Variants in LRRC23 observed in about 807,000 individuals in gnomAD.
LRRC23 encodes leucine rich repeat containing 23.
In LRRC23, 28 loss-of-function variants were observed where a neutral mutation model predicts 37.7. That is an observed-to-expected ratio of 0.74 (90% CI 0.55 to 1.02). LRRC23 has a LOEUF of 1.02. LRRC23 is among the 50% of genes least tolerant of loss of function. The pLI is 0.00. For missense variants in LRRC23, 377 were observed against 413.2 expected (o/e 0.91, Z 0.76); for synonymous variants, 161 against 165.4 (o/e 0.97, Z 0.20).
In LRRC23 at chr12:6,905,647, A is replaced by G. The variant is rs370302364; in HGVS notation, c.14A>G (p.Asp5Gly). 37 of 1,613,830 alleles carry G rather than the reference A, an allele frequency of 2.3e-5. No individual in the cohort carries two copies. The highest frequency in any genetic ancestry group is 3.0e-5 in the Non-Finnish European group (35 of 1,179,946). ...GAGGGAAGAAAGATGTCAGATGAAG[A>G]TGATCTAGAAGACTCTGAGCCAGAC... MSDE[D>G]DLEDSEPDQD... is the part of the protein sequence containing the mutation. Residue 5 changes from aspartate to glycine, a missense_variant, in exon 2 of 8, where the codon GAT (aspartate) becomes GGT (glycine). Asp to Gly is a moderately conservative substitution (Grantham distance 94, BLOSUM62 -1). Around this residue, in one of 3 missense-constraint regions of LRRC23, gnomAD observed 106 missense variants for 105.9 expected, o/e 1.00. Transcript: ENST00000443597.
chr12:6,914,187 G>C lies in LRRC23; in HGVS notation c.*321G>C. 1.1e-6 allele frequency: 1 copy of C among 921,804 alleles called. No homozygotes were observed. Among genetic ancestry groups the C allele is most frequent in the Non-Finnish European group, 1.6e-6 (1 of 627,974 alleles). 57.1% of individuals were successfully genotyped at this position (921,804 alleles called of 1,614,324 possible). A position where few individuals can be genotyped will look rare whatever the true frequency, so the allele number is the denominator to read the frequency against. On this transcript the variant is annotated 3_prime_UTR_variant, in exon 8 of 8. Transcript: ENST00000443597. The surrounding 1 kb of genome is among the most constrained non-coding windows in gnomAD (Gnocchi z 7.1). ...GGAGTGGTTGGAGAGACTTGCGAAG[G>C]CGGCTGGGGTGTTCGGATTTCCAAT...
At chr12:6,912,364 C>G (rs1403341175) in intron 6 of LRRC23, among the ~76,000 whole-genome samples, 1 of 152,138 alleles carries the variant, frequency 6.6e-6, no homozygotes, top group African/African-American at 2.4e-5. Flanking sequence ...GTTGCCCAGG[C>G]TGGGTCCTAC....
chr12:6,909,994 A>G lies in LRRC23; in HGVS notation c.726A>G (p.Arg242=), dbSNP rs1555140508. 24 of 1,613,532 alleles carry G rather than the reference A, an allele frequency of 1.5e-5. No homozygotes were observed. The South Asian group carries it at 2.3e-4, about 16-fold the overall frequency. Residue 242 remains arginine, a synonymous_variant, in exon 6 of 8, where the codon AGA becomes AGG. Transcript: ENST00000443597. The stretch of plus-strand genomic sequence containing the variant: ...TTGACACCCTGAGTGGCTTCTCCAG[A>G]GAAATGAAATCATTGCAGTACCTCA... ...NQIDTLSGFS[R]EMKSLQYLNL...
chr12:6,913,920 A>T lies in LRRC23; in HGVS notation c.*54A>T. 1 of 1,608,662 alleles carries T rather than the reference A, an allele frequency of 6.2e-7. No homozygotes were observed. Among genetic ancestry groups the T allele is most frequent in the South Asian group, 1.1e-5 (1 of 90,382 alleles). On this transcript the variant is annotated 3_prime_UTR_variant, in exon 8 of 8. Transcript: ENST00000443597. Reference sequence around the variant, plus strand: ...TCAAAGACGCTGGCCTTCAGACCTGATCAGACTCCCAGGGGCAGCCACCAC... The same window carrying T: ...TCAAAGACGCTGGCCTTCAGACCTGTTCAGACTCCCAGGGGCAGCCACCAC...
chr12:6,906,798 T>C, intron 4 of LRRC23, 136 bp downstream of exon 4: 2 of 967,012 alleles, frequency 2.1e-6, no homozygotes, highest in Non-Finnish European at 3.1e-6. Flanking sequence ...ATATGATTCA[T>C]TATGACAGTT....
rs1443171933 is a variant in LRRC23 at position 6,913,195 on chromosome 12, A to G, written c.*24+168A>G. 1.4e-5 allele frequency: 9 copies of G among 652,054 alleles called. No individual in the cohort carries two copies. The South Asian group carries it at 1.8e-4, about 13-fold the overall frequency. 40.4% of individuals were successfully genotyped at this position (652,054 alleles called of 1,614,324 possible). On this transcript the variant is annotated intron_variant, in intron 7 of 7. Transcript: ENST00000443597. Reference sequence around the variant, plus strand: ...AGTCAGGGAGAGGAAAAGGGACCCAAGGGGCCTGGGACCAGCTGAGAAAGA... The same window carrying G: ...AGTCAGGGAGAGGAAAAGGGACCCAGGGGGCCTGGGACCAGCTGAGAAAGA...
rs782420763 is a variant in LRRC23 at position 6,914,211 on chromosome 12, A to G, written c.*345A>G. The stretch of plus-strand genomic sequence containing the variant: ...GGCGGCTGGGGTGTTCGGATTTCCA[A>G]TAAAGAAACAGAGTGATGCTCCTGT... On this transcript the variant is annotated 3_prime_UTR_variant, in exon 8 of 8. Coordinates refer to ENST00000443597, the MANE Select transcript of LRRC23 (RefSeq NM_001135217.2). This position sits in a 1 kb window ranked among gnomAD's most constrained non-coding sequence, Gnocchi z 7.1. 46 of 687,842 alleles carry G rather than the reference A, an allele frequency of 6.7e-5. No individual in the cohort carries two copies. In the East Asian group the frequency reaches 9.2e-4, roughly 14 times the overall value. 42.6% of individuals were successfully genotyped at this position (687,842 alleles called of 1,614,324 possible).
At chr12:6,911,683 G>C (rs1555140768) in intron 6 of LRRC23, among the ~76,000 whole-genome samples, 2 of 152,170 alleles carry the variant, frequency 1.3e-5, no homozygotes, top group African/African-American at 4.8e-5. Flanking sequence ...CACTTAAATA[G>C]ATTTCATAAA....
intron 6 of LRRC23, among the ~76,000 whole-genome samples, chr12:6,912,504 T>C (rs1018897893): frequency 1.2e-4 from 18 of 152,074 alleles, no homozygotes; most frequent in African/African-American, 4.1e-4. Context: ...CATGAATGTA[T>C]TACAGAGTAG....
rs1944934198 is a variant in LRRC23 at position 6,905,959 on chromosome 12, GT to G, written c.236+9del. ...CAAGCTGGAGGTTAAAGAGAGGTGC[GT>G]TTTGGGGGGACCAGATGAGGACTGT... On this transcript the variant is annotated splice_donor_region_variant and intron_variant, in intron 3 of 7. Coordinates refer to ENST00000443597, the MANE Select transcript of LRRC23 (RefSeq NM_001135217.2). The G allele has an allele frequency of 2.5e-6, 4 of 1,611,756 alleles. No individual in the cohort carries two copies. Among genetic ancestry groups the G allele is most frequent in the Non-Finnish European group, 3.4e-6 (4 of 1,178,152 alleles).
chr12:6,913,771 G>A lies in LRRC23; in HGVS notation c.*25-120G>A, dbSNP rs1945249228. 3 of 701,284 alleles carry A rather than the reference G, an allele frequency of 4.3e-6. No individual in the cohort carries two copies. The East Asian group carries it at 8.4e-5, about 20-fold the overall frequency. 43.4% of individuals were successfully genotyped at this position (701,284 alleles called of 1,614,324 possible). ...GTAGAAACGGGGTTTCACCACGTTAGCCAGGATGGTCTGGATCTCCTGACC... is the reference window on the plus strand; with the variant it reads ...GTAGAAACGGGGTTTCACCACGTTAACCAGGATGGTCTGGATCTCCTGACC... On this transcript the variant is annotated intron_variant, in intron 7 of 7. Coordinates refer to ENST00000443597, the MANE Select transcript of LRRC23 (RefSeq NM_001135217.2).
At chr12:6,909,384 A>T (rs1216250521) in intron 5 of LRRC23, among the ~76,000 whole-genome samples, 2 of 49,448 alleles carry the variant, frequency 4.0e-5, no homozygotes, top group Non-Finnish European at 6.2e-5. Context: ...TATTTTATAT[A>T]ATATATAAAT....
chr12:6,912,683 C>G (rs782011847), intron 6 of LRRC23, 47 bp from the exon 7 acceptor site: 19 of 1,573,328 alleles, frequency 1.2e-5, no homozygotes, highest in South Asian at 1.1e-4. Context: ...CAACTGGCAA[C>G]CAAAGCCCAT....
chr12:6,906,743 T>G, intron 4 of LRRC23, 81 bp downstream of exon 4: 1 of 1,452,114 alleles, frequency 6.9e-7, no homozygotes, highest in Non-Finnish European at 9.5e-7. Context: ...GGTCCTTGGC[T>G]AGGGCACATG....
At position 6,914,180 on chromosome 12, in the gene LRRC23, T is replaced by G; in HGVS notation, c.*314T>G. The stretch of plus-strand genomic sequence containing the variant: ...GCTGGTAGGAGTGGTTGGAGAGACT[T>G]GCGAAGGCGGCTGGGGTGTTCGGAT... On this transcript the variant is annotated 3_prime_UTR_variant, in exon 8 of 8. Transcript: ENST00000443597. The surrounding 1 kb of genome is among the most constrained non-coding windows in gnomAD (Gnocchi z 7.1). The G allele has an allele frequency of 9.8e-7, 1 of 1,020,782 alleles. No homozygotes were observed. The highest frequency in any genetic ancestry group is 2.6e-5 in the East Asian group (1 of 39,024). The allele number at this position is 1,020,782 out of a possible 1,614,324, so 63.2% of individuals were successfully genotyped here. A position where few individuals can be genotyped will look rare whatever the true frequency, so the allele number is the denominator to read the frequency against.
intron 6 of LRRC23, among the ~76,000 whole-genome samples, chr12:6,912,238 C>T (rs1555140842): frequency 6.6e-6 from 1 of 152,090 alleles, no homozygotes. Flanking sequence ...TAATCTCAAA[C>T]TCCTGGGGTC....
intron 5 of LRRC23, among the ~76,000 whole-genome samples, chr12:6,908,078 G>T (rs879962364): frequency 6.6e-6 from 1 of 150,402 alleles, no homozygotes; most frequent in Non-Finnish European, 1.5e-5. Flanking sequence ...TTAGTTTATT[G>T]CAAGGGCAAA....
Position 6,912,775 on chromosome 12 carries a change from C to A in LRRC23, c.804C>A (p.Asp268Glu). 1 of 1,614,184 alleles carries A rather than the reference C, an allele frequency of 6.2e-7. No homozygotes were observed. Residue 268 changes from aspartate to glutamate, a missense_variant, in exon 7 of 8, where the codon GAC becomes GAA. Coordinates refer to ENST00000443597, the MANE Select transcript of LRRC23 (RefSeq NM_001135217.2). ...TGGGGGAGCTGGCCAAGCTTCGAGA[C>A]CTGCCCAAGCTGCGAGCGTTGGTGC... ...ANLGELAKLR[D>E]LPKLRALVLL...
intron 6 of LRRC23, among the ~76,000 whole-genome samples, chr12:6,912,457 C>T (rs1221862643): frequency 6.6e-6 from 1 of 152,154 alleles, no homozygotes; most frequent in Non-Finnish European, 1.5e-5. Flanking sequence ...AGCTACAAGA[C>T]AGGGTTGTGG....
Sources: gnomAD v4.1 joint callset for allele counts (sites outside exome capture counted in the v4.1 genomes callset) on GRCh38, gnomAD v4.1.1 for gene constraint, gnomAD v4.1.1 regional missense constraint, Gnocchi (gnomAD v3.1) non-coding constraint, MANE v1.5 for transcripts, NCBI Gene and HGNC (gene_info 2026-07-23, HGNC 2026-07-21) for gene names.